Variants in LTBP1 observed in about 807,000 individuals in gnomAD.
LTBP1 encodes latent-transforming growth factor beta-binding protein 1.
Under a neutral mutation model 207.6 loss-of-function variants are expected in LTBP1, and 129 were observed. The observed-to-expected ratio is 0.62, with a 90% CI of 0.54 to 0.72. LTBP1 has a LOEUF of 0.72. LTBP1 is among the 30% of genes least tolerant of loss of function. The pLI is 0.00. For synonymous variants in LTBP1, 963 were observed against 833.7 expected, an observed-to-expected ratio of 1.16 and a Z score of -2.67; for missense variants, 2,281 against 2,217.2, an observed-to-expected ratio of 1.03 and a Z score of -0.58.
chr2:33,234,248 C>G (rs2091930800), intron 9 of LTBP1, among the ~76,000 whole-genome samples: 1 of 152,120 alleles, frequency 6.6e-6, no homozygotes, highest in African/African-American at 2.4e-5. Flanking sequence ...AAAGTTACAG[C>G]TTTGTCTCTA....
chr2:33,207,197 GT>G (rs920026563), intron 7 of LTBP1, among the ~76,000 whole-genome samples: 4 of 151,754 alleles, frequency 2.6e-5, no homozygotes, highest in East Asian at 1.9e-4. Context: ...GCTTAAGAGG[GT>G]TTTTTTTCCC....
intron 2 of LTBP1, among the ~76,000 whole-genome samples, chr2:33,000,001 C>G (rs187924392): frequency 7.4e-6 from 1 of 134,276 alleles, no homozygotes; most frequent in Non-Finnish European, 1.6e-5. Flanking sequence ...ATGCAGATTC[C>G]TGGGCTCTAC....
intron 3 of LTBP1, among the ~76,000 whole-genome samples, chr2:33,109,933 A>T (rs889733064): frequency 6.6e-5 from 10 of 152,228 alleles, no homozygotes; most frequent in Admixed American, 6.5e-5. Flanking sequence ...CCACTGTATC[A>T]TACAGCTTTA....
chr2:33,080,451 G>A (rs962899568), intron 3 of LTBP1, among the ~76,000 whole-genome samples: 4 of 152,000 alleles, frequency 2.6e-5, no homozygotes, highest in Non-Finnish European at 5.9e-5. Context: ...TAAGTCTAAT[G>A]TTCTTCTTTT....
chr2:33,254,363 A>G (rs1294733264), intron 11 of LTBP1, among the ~76,000 whole-genome samples: 2 of 152,096 alleles, frequency 1.3e-5, no homozygotes, highest in African/African-American at 4.8e-5. Flanking sequence ...TGGAAGCTCA[A>G]TTTTGATAGC....
At chr2:32,957,368 G>T (rs150661) in intron 2 of LTBP1, among the ~76,000 whole-genome samples, 91,667 of 151,986 alleles carry the variant, frequency 0.6, 28,352 homozygotes, top group Non-Finnish European at 0.66. Flanking sequence ...TGAGTCTTCC[G>T]TTCACTTGAG....
intron 7 of LTBP1, among the ~76,000 whole-genome samples, chr2:33,199,027 T>G (rs994571261): frequency 6.6e-6 from 1 of 152,182 alleles, no homozygotes; most frequent in African/African-American, 2.4e-5. Context: ...CTTTCTCTTG[T>G]GGGCATTTAG....
At chr2:32,948,854 A>G (rs756451429) in intron 1 of LTBP1, 21 bp from the exon 2 acceptor site, 2 of 1,612,666 alleles carry the variant, frequency 1.2e-6, no homozygotes, top group Non-Finnish European at 8.5e-7. Context: ...TGCTGGACTC[A>G]GCGATCTTGC....
At chr2:33,119,726 T>A (rs1393024901) in intron 4 of LTBP1, among the ~76,000 whole-genome samples, 1 of 151,974 alleles carries the variant, frequency 6.6e-6, no homozygotes, top group East Asian at 1.9e-4. Context: ...CCTGGCTAAT[T>A]TTTTTGTATT....
At chr2:33,158,948 G>GT (rs2084228144) in intron 5 of LTBP1, among the ~76,000 whole-genome samples, 1 of 152,202 alleles carries the variant, frequency 6.6e-6, no homozygotes, top group South Asian at 2.1e-4. Context: ...GTCCAGCACA[G>GT]TATAACCATG....
intron 4 of LTBP1, among the ~76,000 whole-genome samples, chr2:33,120,129 A>G (rs927978213): frequency 6.7e-6 from 1 of 149,186 alleles, no homozygotes; most frequent in Non-Finnish European, 1.5e-5. Context: ...GTACATGTAT[A>G]TATGTATGAT....
intron 4 of LTBP1, among the ~76,000 whole-genome samples, chr2:33,122,241 C>G (rs113556492): frequency 1.3e-5 from 2 of 152,340 alleles, no homozygotes; most frequent in African/African-American, 4.8e-5. Context: ...TGCCTCTGGT[C>G]TGCTGACCTG....
chr2:33,012,816 T>C (rs1403101892), intron 2 of LTBP1, among the ~76,000 whole-genome samples: 1 of 152,228 alleles, frequency 6.6e-6, no homozygotes, highest in Non-Finnish European at 1.5e-5. Context: ...GTTTACAGTC[T>C]GTAAAACCCA....
At chr2:33,135,080 C>G in intron 5 of LTBP1, 120 bp downstream of exon 5, 3 of 1,012,254 alleles carry the variant, frequency 3.0e-6, no homozygotes, top group Non-Finnish European at 2.8e-6. Context: ...TCTATGAGTA[C>G]GAGTATGTTT....
At chr2:33,209,983 T>A (rs1321836415) in intron 7 of LTBP1, among the ~76,000 whole-genome samples, 1 of 152,230 alleles carries the variant, frequency 6.6e-6, no homozygotes, top group Non-Finnish European at 1.5e-5. Context: ...ATGGAGGTGG[T>A]AATTGGTAAA....
intron 2 of LTBP1, among the ~76,000 whole-genome samples, chr2:32,951,122 T>C (rs886963627): frequency 6.6e-6 from 1 of 152,228 alleles, no homozygotes; most frequent in African/African-American, 2.4e-5. Context: ...TTACGGTACC[T>C]ACAACCAATG....
intron 3 of LTBP1, among the ~76,000 whole-genome samples, chr2:33,041,719 G>A (rs1190876172): frequency 6.6e-6 from 1 of 152,166 alleles, no homozygotes; most frequent in Admixed American, 6.5e-5. Context: ...GGCATAAACA[G>A]ATAAATAAGG....
In LTBP1 at chr2:33,186,299, A is replaced by G. The variant is rs534553987; in HGVS notation, c.1202-557A>G. On this transcript the variant is annotated intron_variant, in intron 5 of 33. Coordinates refer to ENST00000404816, the MANE Select transcript of LTBP1 (RefSeq NM_206943.4). The stretch of plus-strand genomic sequence containing the variant: ...GAGTACATAGTAGGTATATATATTT[A>G]TGGGGTACAGGAGATGTTTTGATAC... Among the ~76,000 whole-genome samples, 9 of 152,336 alleles carry G rather than the reference A, an allele frequency of 5.9e-5. No homozygotes were observed. The South Asian group carries it at 1.2e-3, about 21-fold the overall frequency.
At chr2:33,349,069 A>C (rs2094743752) in intron 26 of LTBP1, among the ~76,000 whole-genome samples, 1 of 152,238 alleles carries the variant, frequency 6.6e-6, no homozygotes, top group African/African-American at 2.4e-5. Context: ...CAGAGTCAAT[A>C]ATTGATCAGT....
Sources: gnomAD v4.1 joint callset for allele counts (sites outside exome capture counted in the v4.1 genomes callset) on GRCh38, gnomAD v4.1.1 for gene constraint, MANE v1.5 for transcripts, NCBI Gene and HGNC (gene_info 2026-07-23, HGNC 2026-07-21) for gene names.